Variants in FGF12 observed in about 807,000 individuals in gnomAD.
FGF12 encodes the protein fibroblast growth factor 12.
FGF12 carries 14 observed loss-of-function variants against 23.6 expected under a neutral mutation model. That is an observed-to-expected ratio of 0.59 (90% CI 0.39 to 0.93). The LOEUF is 0.93. Ranked by LOEUF, FGF12 falls within the 40% of genes least tolerant of loss-of-function variation. FGF12 has a pLI of 0.00. For synonymous variants in FGF12, 62 were observed against 77.3 expected (o/e 0.80, Z 1.04); for missense variants, 175 against 217.8 (o/e 0.80, Z 1.24).
intron 2 of FGF12, among the ~76,000 whole-genome samples, chr3:192,567,688 A>G (rs182485116): frequency 1.6e-4 from 25 of 152,062 alleles, no homozygotes; most frequent in African/African-American, 5.8e-4. Flanking sequence ...CTTGTGGTGC[A>G]TAACTCCAAT....
chr3:192,601,722 C>T (rs1006034253), intron 2 of FGF12, among the ~76,000 whole-genome samples: 3 of 152,054 alleles, frequency 2.0e-5, no homozygotes, highest in African/African-American at 7.2e-5. Flanking sequence ...CCTGTGGATA[C>T]CAAAATCCAC....
intron 4 of FGF12, among the ~76,000 whole-genome samples, chr3:192,290,566 T>C (rs1714700431): frequency 6.6e-6 from 1 of 152,160 alleles, no homozygotes; most frequent in Admixed American, 6.6e-5. Flanking sequence ...CATTTATTAG[T>C]CATACATGCG....
chr3:192,353,681 C>T (rs528995917), intron 3 of FGF12, among the ~76,000 whole-genome samples: 73 of 152,168 alleles, frequency 4.8e-4, no homozygotes, highest in African/African-American at 1.6e-3. Context: ...GAGCAGAAGT[C>T]TTATGATCAA....
At chr3:192,266,798 CCACACACA>C (rs376275029) in intron 4 of FGF12, among the ~76,000 whole-genome samples, 7 of 146,702 alleles carry the variant, frequency 4.8e-5, no homozygotes, top group African/African-American at 1.7e-4. Flanking sequence ...TCTTTAAACA[CCACACACA>C]CACACACACA....
At chr3:192,724,099 G>T (rs1719134235) in intron 2 of FGF12, among the ~76,000 whole-genome samples, 1 of 148,410 alleles carries the variant, frequency 6.7e-6, no homozygotes, top group Admixed American at 6.7e-5. Context: ...AAGGAAGAAA[G>T]GAAGGAAGGA....
At chr3:192,339,329 A>G (rs1166940927) in intron 3 of FGF12, among the ~76,000 whole-genome samples, 1 of 152,080 alleles carries the variant, frequency 6.6e-6, no homozygotes, top group East Asian at 1.9e-4. Context: ...TACTCCTCAA[A>G]GCCACTGTCC....
chr3:192,441,516 C>A (rs1397595165), intron 2 of FGF12, among the ~76,000 whole-genome samples: 1 of 152,148 alleles, frequency 6.6e-6, no homozygotes, highest in African/African-American at 2.4e-5. Flanking sequence ...ATTGTCACAG[C>A]CTAGACCCAG....
intron 4 of FGF12, among the ~76,000 whole-genome samples, chr3:192,237,628 T>C (rs1232469046): frequency 6.6e-6 from 1 of 152,194 alleles, no homozygotes; most frequent in Non-Finnish European, 1.5e-5. Flanking sequence ...TATTCAGTTA[T>C]TAATGCCTCC....
chr3:192,236,345 A>G (rs987155206), intron 4 of FGF12, among the ~76,000 whole-genome samples: 1 of 152,106 alleles, frequency 6.6e-6, no homozygotes, highest in Non-Finnish European at 1.5e-5. Context: ...TTGTTGTTAG[A>G]TACAGTATTC....
chr3:192,545,045 C>T (rs528331922), intron 2 of FGF12, among the ~76,000 whole-genome samples: 47 of 152,234 alleles, frequency 3.1e-4, no homozygotes, highest in Non-Finnish European at 5.4e-4. Context: ...CAAAGACTCA[C>T]GCAAGATCAA....
At chr3:192,414,285 T>G (rs1186282016) in intron 2 of FGF12, among the ~76,000 whole-genome samples, 1 of 152,210 alleles carries the variant, frequency 6.6e-6, no homozygotes. Flanking sequence ...TGAGGTAAGT[T>G]CTGTCATATC....
At chr3:192,684,768 C>T (rs1717670569) in intron 2 of FGF12, among the ~76,000 whole-genome samples, 1 of 152,128 alleles carries the variant, frequency 6.6e-6, no homozygotes, top group Non-Finnish European at 1.5e-5. Context: ...AACACTTTTT[C>T]TTTATCCATT....
intron 4 of FGF12, among the ~76,000 whole-genome samples, chr3:192,307,178 T>C (rs1046905225): frequency 1.3e-5 from 2 of 152,186 alleles, no homozygotes; most frequent in African/African-American, 4.8e-5. Flanking sequence ...TGGATATGGA[T>C]AATGATTGAG....
At chr3:192,646,171 G>C (rs536335776) in intron 2 of FGF12, among the ~76,000 whole-genome samples, 1 of 152,140 alleles carries the variant, frequency 6.6e-6, no homozygotes, top group South Asian at 2.1e-4. Flanking sequence ...TTAGTTCAAA[G>C]AGATCTACTT....
intron 2 of FGF12, among the ~76,000 whole-genome samples, chr3:192,397,087 T>C (rs75077611): frequency 0.018 from 2,741 of 152,314 alleles, 98 homozygotes; most frequent in African/African-American, 0.062. Flanking sequence ...GGGAGTTTTG[T>C]GGCAATACCA....
intron 2 of FGF12, among the ~76,000 whole-genome samples, chr3:192,370,889 G>C (rs568339820): frequency 6.6e-6 from 1 of 152,186 alleles, no homozygotes; most frequent in Admixed American, 6.5e-5. Flanking sequence ...CGAATCAATC[G>C]TCATCTTCCT....
chr3:192,447,095 G>T (rs774615069), intron 2 of FGF12, among the ~76,000 whole-genome samples: 2 of 152,038 alleles, frequency 1.3e-5, no homozygotes, highest in African/African-American at 4.8e-5. Flanking sequence ...TAAGACAATC[G>T]CTTATTTATT....
intron 2 of FGF12, among the ~76,000 whole-genome samples, chr3:192,475,925 G>A (rs894159931): frequency 6.7e-6 from 1 of 148,866 alleles, no homozygotes; most frequent in South Asian, 2.1e-4. Context: ...GATGATAGAT[G>A]ATATAGATAG....
chr3:192,527,675 T>C (rs1322679214), intron 2 of FGF12, among the ~76,000 whole-genome samples: 1 of 152,226 alleles, frequency 6.6e-6, no homozygotes, highest in East Asian at 1.9e-4. Flanking sequence ...TTTATTTTTT[T>C]ATTTGTACAT....
Sources: gnomAD v4.1 joint callset for allele counts (sites outside exome capture counted in the v4.1 genomes callset) on GRCh38, gnomAD v4.1.1 for gene constraint, MANE v1.5 for transcripts, NCBI Gene and HGNC (gene_info 2026-07-23, HGNC 2026-07-21) for gene names.